PRLR: variants seen among roughly 807,000 people sequenced by gnomAD.
PRLR encodes prolactin receptor.
PRLR carries 13 observed loss-of-function variants against 40.2 expected under a neutral mutation model. The ratio of observed to expected loss-of-function variants is 0.32; its 90% CI spans 0.21 to 0.51. The LOEUF is 0.51. Among genes scored for constraint, PRLR ranks in the 20% least tolerant of loss-of-function variants. The pLI, the probability that PRLR is intolerant of heterozygous loss-of-function variation, is 0.97. For missense variants in PRLR, 656 were observed against 747.3 expected, an observed-to-expected ratio of 0.88 and a Z score of 1.42; for synonymous variants, 269 against 278.7, an observed-to-expected ratio of 0.97 and a Z score of 0.35.
At chr5:35,116,036 C>T (rs1327257611) in intron 2 of PRLR, among the ~76,000 whole-genome samples, 1 of 152,102 alleles carries the variant, frequency 6.6e-6, no homozygotes, top group African/African-American at 2.4e-5. Flanking sequence ...CTTTCAAGTT[C>T]CTGCCTGTGA....
At chr5:35,171,613 A>T (rs1410782030) in intron 1 of PRLR, among the ~76,000 whole-genome samples, 1 of 152,064 alleles carries the variant, frequency 6.6e-6, no homozygotes, top group Non-Finnish European at 1.5e-5. Context: ...CACTATGGGG[A>T]GGGGATTTAG....
intron 1 of PRLR, among the ~76,000 whole-genome samples, chr5:35,209,237 C>T (rs4235652): frequency 0.76 from 115,712 of 151,932 alleles, 44,877 homozygotes; most frequent in Middle Eastern, 0.83. Flanking sequence ...TTTAAGCCTA[C>T]ATAAGAATCC....
intron 1 of PRLR, among the ~76,000 whole-genome samples, chr5:35,146,233 A>C (rs1480917214): frequency 4.6e-5 from 7 of 152,336 alleles, no homozygotes; most frequent in Non-Finnish European, 7.3e-5. Flanking sequence ...GATATCAAAG[A>C]GAGTATATAT....
At chr5:35,112,936 G>A (rs1028668869) in intron 2 of PRLR, among the ~76,000 whole-genome samples, 2 of 152,270 alleles carry the variant, frequency 1.3e-5, no homozygotes, top group South Asian at 4.2e-4. Flanking sequence ...AGGCTGGTCT[G>A]GGAGTGGGGC....
intron 1 of PRLR, among the ~76,000 whole-genome samples, chr5:35,127,564 A>G (rs941375670): frequency 2.0e-5 from 3 of 152,230 alleles, no homozygotes; most frequent in African/African-American, 7.2e-5. Flanking sequence ...CAGATTAAAG[A>G]GATCATGGCA....
At chr5:35,068,662 A>T in intron 8 of PRLR, 117 bp downstream of exon 8, 1 of 826,056 alleles carries the variant, frequency 1.2e-6, no homozygotes, top group Non-Finnish European at 2.0e-6. Context: ...CAAACACACT[A>T]CATCTAATGG....
chr5:35,203,000 C>T (rs915300777), intron 1 of PRLR, among the ~76,000 whole-genome samples: 3 of 152,144 alleles, frequency 2.0e-5, no homozygotes, highest in Non-Finnish European at 2.9e-5. Flanking sequence ...CCCCCATTGG[C>T]CTTGTTCTTA....
At chr5:35,076,758 T>C (rs1770127646) in intron 5 of PRLR, among the ~76,000 whole-genome samples, 1 of 151,946 alleles carries the variant, frequency 6.6e-6, no homozygotes, top group Admixed American at 6.6e-5. Context: ...TTCACCAAAG[T>C]TAAAATAAAG....
Position 35,061,192 on chromosome 5 carries a change from A to C in PRLR, c.*3897T>G, listed in dbSNP as rs1769019177. ...CAATACATTTTTCCTTGCAAAATGA[A>C]AACTTTAAAAAAAAATAGAGGAAGG... is the stretch of plus-strand genomic sequence containing the variant. On this transcript the variant is annotated 3_prime_UTR_variant, in exon 10 of 10. Coordinates refer to ENST00000618457, the MANE Select transcript of PRLR (RefSeq NM_000949.7). 1.3e-5 allele frequency: 2 copies of C among 151,960 alleles called. No individual in the cohort carries two copies. Among genetic ancestry groups the C allele is most frequent in the South Asian group, 2.1e-4 (1 of 4,832 alleles). 9.4% of individuals were successfully genotyped at this position (151,960 alleles called of 1,614,324 possible).
chr5:35,185,430 T>TAA lies in PRLR; in HGVS notation c.-106+44836_-106+44837dup, dbSNP rs113019724. ...TGTCAAATAGGAAAGGTAAGTTTCCTAAAAAAAAAAAGCTTCCAAATGAGT... is the reference window on the plus strand; with the variant it reads ...TGTCAAATAGGAAAGGTAAGTTTCCTAAAAAAAAAAAAAGCTTCCAAATGAGT... On this transcript the variant is annotated intron_variant, in intron 1 of 9. Coordinates refer to ENST00000618457, the MANE Select transcript of PRLR (RefSeq NM_000949.7). Among the ~76,000 whole-genome samples the TAA allele has an allele frequency of 3.9e-3, 559 of 143,104 alleles. 8 individuals carry two copies. The highest frequency in any genetic ancestry group is 0.014 in the African/African-American group (543 of 39,238). The allele number at this position is 143,104 out of a possible 152,430, so 93.9% of individuals were successfully genotyped here. A position where few individuals can be genotyped will look rare whatever the true frequency, so the allele number is the denominator to read the frequency against.
intron 1 of PRLR, among the ~76,000 whole-genome samples, chr5:35,181,681 C>CT (rs1775301337): frequency 1.3e-5 from 2 of 152,242 alleles, no homozygotes; most frequent in Admixed American, 6.5e-5. Context: ...CAGCAAATCC[C>CT]TTTTTTATGA....
intron 2 of PRLR, among the ~76,000 whole-genome samples, chr5:35,116,367 T>G (rs1002627317): frequency 2.0e-5 from 3 of 152,208 alleles, no homozygotes; most frequent in African/African-American, 4.8e-5. Flanking sequence ...GGTGACCTGT[T>G]TGCTGTAAAA....
At chr5:35,196,965 G>A (rs1775753519) in intron 1 of PRLR, among the ~76,000 whole-genome samples, 1 of 152,064 alleles carries the variant, frequency 6.6e-6, no homozygotes, top group Non-Finnish European at 1.5e-5. Context: ...AGCTCTCTGG[G>A]ACCCTTTTGT....
At position 35,163,277 on chromosome 5, in the gene PRLR, G is replaced by A. The variant is rs561463070; in HGVS notation, c.-105-45155C>T. 3.9e-5 allele frequency among the ~76,000 whole-genome samples: 6 copies of A among 152,212 alleles called. No homozygotes were observed. The East Asian group carries it at 5.8e-4, about 15-fold the overall frequency. ...TGAGCCTAATTTTTCATGGCCGTGC[G>A]ACAAGGACCTGGCTCTTCGCTGAAC... is the stretch of plus-strand genomic sequence containing the variant. On this transcript the variant is annotated intron_variant, in intron 1 of 9. Coordinates refer to ENST00000618457, the MANE Select transcript of PRLR (RefSeq NM_000949.7).
chr5:35,107,530 A>G (rs75444348), intron 2 of PRLR, among the ~76,000 whole-genome samples: 6,283 of 152,310 alleles, frequency 0.041, 180 homozygotes, highest in Middle Eastern at 0.065. Flanking sequence ...TGCAATAAAA[A>G]ATGATAAAGG....
At chr5:35,197,991 G>A (rs1561360761) in intron 1 of PRLR, among the ~76,000 whole-genome samples, 1 of 152,210 alleles carries the variant, frequency 6.6e-6, no homozygotes, top group Non-Finnish European at 1.5e-5. Flanking sequence ...GGCAGTCCTG[G>A]AGTATTGTGG....
chr5:35,159,807 C>T lies in PRLR; in HGVS notation c.-105-41685G>A, dbSNP rs186476654. On this transcript the variant is annotated intron_variant, in intron 1 of 9. Transcript: ENST00000618457. Reference sequence around the variant, plus strand: ...TGTTATCAAGTGCAACCCAAGCCACCAATACTTGGGACAATATCACTGGCA... The same window carrying T: ...TGTTATCAAGTGCAACCCAAGCCACTAATACTTGGGACAATATCACTGGCA... Among the ~76,000 whole-genome samples the T allele has an allele frequency of 3.9e-4, 60 of 152,234 alleles. No individual in the cohort carries two copies. The East Asian group carries it at 0.01, about 26-fold the overall frequency.
chr5:35,097,420 C>T (rs929409675), intron 2 of PRLR, among the ~76,000 whole-genome samples: 7 of 152,068 alleles, frequency 4.6e-5, no homozygotes, highest in South Asian at 2.1e-4. Flanking sequence ...AGACGGTCTG[C>T]GAGTTGTCCA....
intron 1 of PRLR, among the ~76,000 whole-genome samples, chr5:35,213,519 G>T (rs1255402136): frequency 6.6e-6 from 1 of 151,364 alleles, no homozygotes; most frequent in Non-Finnish European, 1.5e-5. Flanking sequence ...TTTTTTTTCT[G>T]GGAATTTCAT....
Sources: gnomAD v4.1 joint callset for allele counts (sites outside exome capture counted in the v4.1 genomes callset) on GRCh38, gnomAD v4.1.1 for gene constraint, MANE v1.5 for transcripts, NCBI Gene and HGNC (gene_info 2026-07-23, HGNC 2026-07-21) for gene names.